The following SPPL2A variants were observed in gnomAD, a reference collection of about 807,000 sequenced individuals.
SPPL2A encodes signal peptide peptidase-like 2A.
SPPL2A carries 51 observed loss-of-function variants against 63.8 expected under a neutral mutation model. That is an observed-to-expected ratio of 0.80 (90% confidence interval 0.64 to 1.01). The LOEUF (loss-of-function observed/expected upper bound fraction) is 1.01, where lower values mean the gene tolerates loss of function less well. Among genes scored for constraint, SPPL2A ranks in the 50% least tolerant of loss-of-function variants. The pLI is 0.00. For synonymous variants in SPPL2A, 188 were observed against 205.8 expected (o/e 0.91, Z 0.74); for missense variants, 553 against 622.7 (o/e 0.89, Z 1.19).
intron 11 of SPPL2A, chr15:50,726,085 A>T (rs1364522704): frequency 6.7e-7 from 1 of 1,491,630 alleles, no homozygotes; most frequent in Non-Finnish European, 8.9e-7. Flanking sequence ...TCTCATGGGG[A>T]GCTGAGGGTT....
At chr15:50,728,935 C>T (rs573590470) in intron 10 of SPPL2A, among the ~76,000 whole-genome samples, 1 of 151,952 alleles carries the variant, frequency 6.6e-6, no homozygotes, top group Non-Finnish European at 1.5e-5. Flanking sequence ...TGCCTCAGCC[C>T]TCCAAGTAGC....
intron 5 of SPPL2A, 118 bp downstream of exon 5, chr15:50,747,377 G>C (rs2062866200): frequency 1.2e-6 from 1 of 810,248 alleles, no homozygotes; most frequent in South Asian, 1.5e-5. Flanking sequence ...CTGCAGACTG[G>C]GCTTACTGGC....
chr15:50,722,785 A>G (rs139202023), intron 12 of SPPL2A, among the ~76,000 whole-genome samples: 3 of 152,346 alleles, frequency 2.0e-5, no homozygotes, highest in African/African-American at 7.2e-5. Flanking sequence ...TTATCATTAA[A>G]AAATATATTG....
At chr15:50,722,549 C>T (rs551085794) in intron 12 of SPPL2A, among the ~76,000 whole-genome samples, 2 of 152,212 alleles carry the variant, frequency 1.3e-5, no homozygotes, top group South Asian at 2.1e-4. Flanking sequence ...CTCTGCCTCC[C>T]GGGTTCAAAC....
chr15:50,715,566 CAAAG>C (rs2062593692), intron 14 of SPPL2A, among the ~76,000 whole-genome samples: 1 of 98,036 alleles, frequency 1.0e-5, no homozygotes, highest in East Asian at 2.9e-4. Flanking sequence ...ATGGAAGCTA[CAAAG>C]AAAGAAACTG....
At position 50,703,127 on chromosome 15, in the gene SPPL2A, A is replaced by T. The variant is rs1333387484; in HGVS notation, c.*4673T>A. The stretch of plus-strand genomic sequence containing the variant: ...TGGAGTGCAGTCACTATTCACAGAC[A>T]CAATCACAGCTCACTACAGCCTCAA... On this transcript the variant is annotated 3_prime_UTR_variant, in exon 15 of 15. Coordinates refer to ENST00000261854, the MANE Select transcript of SPPL2A (RefSeq NM_032802.4). 6.7e-6 allele frequency: 1 copy of T among 148,756 alleles called. No individual in the cohort carries two copies. The highest frequency in any genetic ancestry group is 1.5e-5 in the Non-Finnish European group (1 of 67,226). The allele number at this position is 148,756 out of a possible 1,614,324, so 9.2% of individuals were successfully genotyped here.
chr15:50,735,583 G>C (rs1250441076), intron 8 of SPPL2A, among the ~76,000 whole-genome samples: 1 of 151,724 alleles, frequency 6.6e-6, no homozygotes, highest in African/African-American at 2.4e-5. Flanking sequence ...TTTTGAGATA[G>C]AGTTTCACTC....
chr15:50,744,852 C>T (rs2062846578), intron 5 of SPPL2A, among the ~76,000 whole-genome samples: 1 of 152,070 alleles, frequency 6.6e-6, no homozygotes, highest in South Asian at 2.1e-4. Context: ...GATGTGGTGG[C>T]TATGGGGGCA....
chr15:50,707,830 C>A lies in SPPL2A; in HGVS notation c.1533G>T (p.Val511=), dbSNP rs1180303419. The change falls in exon 15 of 15, where the codon GTG becomes GTT. Residue 511 remains valine (V), a synonymous_variant. Transcript: ENST00000261854. ...LDCATNEENP[V]ISGEQIVQQ Reference sequence around the variant, plus strand: ...GCTGGACAATCTGTTCACCAGATATCACAGGGTTTTCTTCATTTGTTGCAC... The same window carrying A: ...GCTGGACAATCTGTTCACCAGATATAACAGGGTTTTCTTCATTTGTTGCAC... 6.3e-7 allele frequency: 1 copy of A among 1,592,628 alleles called. No homozygotes were observed. The highest frequency in any genetic ancestry group is 8.6e-7 in the Non-Finnish European group (1 of 1,160,646).
chr15:50,743,675 A>G (rs1315022749), intron 5 of SPPL2A, among the ~76,000 whole-genome samples: 1 of 152,126 alleles, frequency 6.6e-6, no homozygotes, highest in African/African-American at 2.4e-5. Flanking sequence ...AGATCTCTAG[A>G]TAAGTATATG....
At position 50,748,686 on chromosome 15, in the gene SPPL2A, A is replaced by G; in HGVS notation, c.360+2T>C. 1 of 1,567,516 alleles carries G rather than the reference A, an allele frequency of 6.4e-7. No individual in the cohort carries two copies. Among genetic ancestry groups the G allele is most frequent in the African/African-American group, 1.4e-5 (1 of 72,162 alleles). ...TAAGATATGATTGTTTTTATAACTT[A>G]CTAGGACACTGTTATTGACAACTAA... On this transcript the variant is annotated splice_donor_variant, in intron 3 of 14. Transcript: ENST00000261854. LOFTEE classifies it high-confidence loss of function.
chr15:50,705,535 C>T lies in SPPL2A; in HGVS notation c.*2265G>A, dbSNP rs2062501572. 6.6e-6 allele frequency: 1 copy of T among 152,112 alleles called. No individual in the cohort carries two copies. Among genetic ancestry groups the T allele is most frequent in the Admixed American group, 6.6e-5 (1 of 15,254 alleles). 9.4% of individuals were successfully genotyped at this position (152,112 alleles called of 1,614,324 possible). On this transcript the variant is annotated 3_prime_UTR_variant, in exon 15 of 15. Transcript: ENST00000261854. ...GAAAATACAGAGTTTTAAAACGGCACTTAATCTGTTCTCTCTCTCAGAGTC... is the reference window on the plus strand; with the variant it reads ...GAAAATACAGAGTTTTAAAACGGCATTTAATCTGTTCTCTCTCTCAGAGTC...
intron 14 of SPPL2A, among the ~76,000 whole-genome samples, chr15:50,714,648 A>T (rs28535621): frequency 2.0e-4 from 24 of 119,402 alleles, no homozygotes; most frequent in East Asian, 7.4e-4. Flanking sequence ...AAAAAAAAAA[A>T]TTTTTTTTCT....
At chr15:50,720,940 A>C (rs1178787236) in intron 13 of SPPL2A, among the ~76,000 whole-genome samples, 3 of 152,174 alleles carry the variant, frequency 2.0e-5, no homozygotes, top group African/African-American at 7.2e-5. Context: ...CAGGGAGTTT[A>C]AGTTGTCCAA....
At chr15:50,711,223 T>G (rs995870194) in intron 14 of SPPL2A, among the ~76,000 whole-genome samples, 2 of 151,400 alleles carry the variant, frequency 1.3e-5, no homozygotes, top group African/African-American at 4.8e-5. Flanking sequence ...TTTTTTTTTT[T>G]TGTGAGATGG....
intron 11 of SPPL2A, among the ~76,000 whole-genome samples, chr15:50,725,694 G>C (rs189867898): frequency 6.6e-6 from 1 of 151,996 alleles, no homozygotes; most frequent in Non-Finnish European, 1.5e-5. Flanking sequence ...GCCTCCCAAA[G>C]TGCTGGTATT....
At chr15:50,745,049 G>T (rs2062847979) in intron 5 of SPPL2A, among the ~76,000 whole-genome samples, 1 of 152,178 alleles carries the variant, frequency 6.6e-6, no homozygotes. Flanking sequence ...TTACTTTCTG[G>T]TGTATGAATT....
intron 9 of SPPL2A, among the ~76,000 whole-genome samples, chr15:50,731,393 A>G (rs970896769): frequency 4.6e-5 from 7 of 151,898 alleles, no homozygotes; most frequent in African/African-American, 1.7e-4. Flanking sequence ...TAAGACTACA[A>G]AAATTAGCCG....
chr15:50,751,595 G>A (rs183447038), intron 1 of SPPL2A, among the ~76,000 whole-genome samples: 38 of 152,234 alleles, frequency 2.5e-4, no homozygotes, highest in Admixed American at 5.2e-4. Flanking sequence ...GGTGGTAACC[G>A]CAGGATTTCT....
Sources: allele counts gnomAD v4.1 joint callset (sites outside exome capture counted in the v4.1 genomes callset), GRCh38; gene constraint gnomAD v4.1.1; transcripts MANE v1.5; gene names NCBI Gene and HGNC (gene_info 2026-07-23, HGNC 2026-07-21).